AGMO: variants seen among roughly 807,000 people sequenced by gnomAD.
AGMO encodes glyceryl-ether monooxygenase.
In AGMO, 75 loss-of-function variants were observed where a neutral mutation model predicts 60.2. The ratio of observed to expected loss-of-function variants is 1.25; its 90% CI spans 1.03 to 1.51. The LOEUF (loss-of-function observed/expected upper bound fraction) is 1.51, where lower values mean the gene tolerates loss of function less well. AGMO is among the 40% of genes most tolerant of loss of function. The probability of loss-of-function intolerance (pLI) is 0.00; values close to 1 mark genes in which losing one functional copy is unlikely to be tolerated. For missense variants in AGMO, 763 were observed against 525.5 expected (o/e 1.45, Z -4.42); for synonymous variants, 261 against 177.1 (o/e 1.47, Z -3.76).
chr7:15,267,965 T>G (rs965562038), intron 12 of AGMO, among the ~76,000 whole-genome samples: 2 of 151,918 alleles, frequency 1.3e-5, no homozygotes, highest in Non-Finnish European at 2.9e-5. Context: ...AAATTAAATT[T>G]CTTTGTTATC....
chr7:15,249,936 T>G (rs1782883293), intron 12 of AGMO, among the ~76,000 whole-genome samples: 1 of 152,212 alleles, frequency 6.6e-6, no homozygotes, highest in South Asian at 2.1e-4. Context: ...AAGAAAGGTT[T>G]TAAATCTTTA....
intron 12 of AGMO, among the ~76,000 whole-genome samples, chr7:15,240,751 T>C (rs950363412): frequency 1.3e-5 from 2 of 152,174 alleles, no homozygotes; most frequent in Non-Finnish European, 2.9e-5. Flanking sequence ...TTTAAAGAAA[T>C]GAATAAATAC....
chr7:15,403,900 G>A (rs538266206), intron 5 of AGMO, among the ~76,000 whole-genome samples: 3 of 152,050 alleles, frequency 2.0e-5, no homozygotes, highest in African/African-American at 7.2e-5. Flanking sequence ...GGAAGAGAAA[G>A]CAGAACTCTT....
In AGMO at chr7:15,529,078, A is replaced by G. The variant is rs75785835; in HGVS notation, c.409+15694T>C. On this transcript the variant is annotated intron_variant, in intron 3 of 12. Coordinates refer to ENST00000342526, the MANE Select transcript of AGMO (RefSeq NM_001004320.2). ...GGATAAACATTGATTTGATCTAATT[A>G]AAACGTTCAAAACAGACATTCTCAG... Among the ~76,000 whole-genome samples the G allele has an allele frequency of 8.9e-3, 1,357 of 152,310 alleles. 22 individuals are homozygous for G. The highest frequency in any genetic ancestry group is 0.031 in the African/African-American group (1,281 of 41,574).
At chr7:15,380,968 C>G (rs1023208287) in intron 10 of AGMO, among the ~76,000 whole-genome samples, 1 of 152,174 alleles carries the variant, frequency 6.6e-6, no homozygotes, top group Admixed American at 6.5e-5. Flanking sequence ...GCTGGGATAA[C>G]TGCCTAGCCA....
chr7:15,272,535 G>T (rs1783647927), intron 12 of AGMO, among the ~76,000 whole-genome samples: 1 of 151,990 alleles, frequency 6.6e-6, no homozygotes, highest in Admixed American at 6.6e-5. Context: ...ATCATTGATG[G>T]ACATTTGGGT....
intron 3 of AGMO, among the ~76,000 whole-genome samples, chr7:15,529,796 C>A (rs1440517061): frequency 3.9e-5 from 3 of 77,814 alleles, no homozygotes; most frequent in South Asian, 7.9e-4. Flanking sequence ...ATATATTTCT[C>A]TATATATATA....
chr7:15,360,548 C>G lies in AGMO; in HGVS notation c.1263+4966G>C, dbSNP rs534349443. 2.0e-5 allele frequency among the ~76,000 whole-genome samples: 3 copies of G among 152,174 alleles called. No homozygotes were observed. The South Asian group carries it at 6.2e-4, about 32-fold the overall frequency. On this transcript the variant is annotated intron_variant, in intron 12 of 12. Transcript: ENST00000342526. Reference sequence around the variant, plus strand: ...AAGAAGTAGGTCATCATAAAGGTCTCTTTTTCTCATCATCTTCATGTTAAG... The same window carrying G: ...AAGAAGTAGGTCATCATAAAGGTCTGTTTTTCTCATCATCTTCATGTTAAG...
At chr7:15,517,480 G>C (rs12699728) in intron 3 of AGMO, among the ~76,000 whole-genome samples, 57,649 of 150,416 alleles carry the variant, frequency 0.38, 13,051 homozygotes, top group Non-Finnish European at 0.52. Flanking sequence ...TCATCTCACT[G>C]GGACTGGTTA....
At chr7:15,246,703 C>CT (rs1363426200) in intron 12 of AGMO, among the ~76,000 whole-genome samples, 1 of 152,096 alleles carries the variant, frequency 6.6e-6, no homozygotes, top group Non-Finnish European at 1.5e-5. Flanking sequence ...CAAATGCCTT[C>CT]TTTCTTTCTT....
chr7:15,380,713 C>T (rs185685852), intron 10 of AGMO, among the ~76,000 whole-genome samples: 3 of 152,042 alleles, frequency 2.0e-5, no homozygotes, highest in African/African-American at 7.2e-5. Context: ...TAAAAGAGCC[C>T]GAACAGCCCA....
rs60044874 is a variant in AGMO, at chr7:15,354,496, G to GTATA, written c.1263+11014_1263+11017dup. ...TACACACGTGTGTATATACACACGTGTATATATATATATATATATATATAT... is the reference window on the plus strand; with the variant it reads ...TACACACGTGTGTATATACACACGTGTATATATATATATATATATATATATATAT... On this transcript the variant is annotated intron_variant, in intron 12 of 12. Transcript: ENST00000342526. 2.4e-3 allele frequency among the ~76,000 whole-genome samples: 45 copies of GTATA among 18,758 alleles called. 1 individual carries two copies. Among genetic ancestry groups the GTATA allele is most frequent in the Non-Finnish European group, 3.6e-3 (39 of 10,800 alleles). The allele number at this position is 18,758 out of a possible 152,430, so 12.3% of individuals were successfully genotyped here.
intron 12 of AGMO, among the ~76,000 whole-genome samples, chr7:15,222,768 G>T (rs943490623): frequency 2.6e-5 from 4 of 151,658 alleles, no homozygotes; most frequent in Non-Finnish European, 5.9e-5. Context: ...TTCTCTCTCT[G>T]TCTCACTCAA....
At chr7:15,157,006 A>T in the AGMO span, among the ~76,000 whole-genome samples, 2 of 152,210 alleles carry the variant, frequency 1.3e-5, no homozygotes, top group African/African-American at 4.8e-5. Flanking sequence ...TGGCCATTAA[A>T]TCATTAAGAC....
chr7:15,478,705 C>T (rs1247934465), intron 3 of AGMO, among the ~76,000 whole-genome samples: 3 of 152,150 alleles, frequency 2.0e-5, no homozygotes, highest in African/African-American at 7.2e-5. Flanking sequence ...GGTCATGTTC[C>T]TGTTCTCACT....
intron 12 of AGMO, among the ~76,000 whole-genome samples, chr7:15,282,654 G>GA (rs771518359): frequency 5.9e-5 from 9 of 152,172 alleles, no homozygotes; most frequent in Non-Finnish European, 1.2e-4. Context: ...AAAAACATTG[G>GA]AAAACTTATT....
At chr7:15,254,399 T>C (rs1299896144) in intron 12 of AGMO, among the ~76,000 whole-genome samples, 1 of 152,138 alleles carries the variant, frequency 6.6e-6, no homozygotes, top group Non-Finnish European at 1.5e-5. Flanking sequence ...CCAGCATCAT[T>C]ACTTTTTTTG....
chr7:15,512,213 T>G (rs540697440), intron 3 of AGMO, among the ~76,000 whole-genome samples: 1 of 152,280 alleles, frequency 6.6e-6, no homozygotes, highest in East Asian at 1.9e-4. Flanking sequence ...CTGATCTCTG[T>G]CATACAACAC....
intron 12 of AGMO, among the ~76,000 whole-genome samples, chr7:15,268,814 G>C (rs947721506): frequency 2.6e-5 from 4 of 151,950 alleles, no homozygotes; most frequent in East Asian, 1.9e-4. Context: ...ACAATGTAAA[G>C]ATGAAATTAT....
Sources: gnomAD v4.1 joint callset for allele counts (sites outside exome capture counted in the v4.1 genomes callset) on GRCh38, gnomAD v4.1.1 for gene constraint, MANE v1.5 for transcripts, NCBI Gene and HGNC (gene_info 2026-07-23, HGNC 2026-07-21) for gene names.